The following KCNIP4 variants were observed in gnomAD, a reference collection of about 807,000 sequenced individuals.
KCNIP4 encodes Kv channel-interacting protein 4.
KCNIP4 carries 12 observed loss-of-function variants against 34.0 expected under a neutral mutation model. The observed-to-expected ratio is 0.35, with a 90% CI of 0.23 to 0.57. The LOEUF (loss-of-function observed/expected upper bound fraction) is 0.57, where lower values mean the gene tolerates loss of function less well. KCNIP4 is among the 20% of genes least tolerant of loss of function. KCNIP4 has a pLI of 0.83. For synonymous variants in KCNIP4, 124 were observed against 102.2 expected, an observed-to-expected ratio of 1.21 and a Z score of -1.29; for missense variants, 238 against 311.7, an observed-to-expected ratio of 0.76 and a Z score of 1.78.
rs1189582234 is a variant in KCNIP4 at position 21,796,247 on chromosome 4, T to C, written c.61+152324A>G. Among the ~76,000 whole-genome samples the C allele has an allele frequency of 2.0e-5, 3 of 152,304 alleles. No individual in the cohort carries two copies. The East Asian group carries it at 5.8e-4, about 29-fold the overall frequency. On this transcript the variant is annotated intron_variant, in intron 1 of 8. Transcript: ENST00000382152. ...AATGTACTTCTTACACAATTTTTTCTCTTTCTCAATTATCTATAGCACAGG... is the reference window on the plus strand; with the variant it reads ...AATGTACTTCTTACACAATTTTTTCCCTTTCTCAATTATCTATAGCACAGG...
At chr4:21,006,109 C>T (rs1270148630) in intron 1 of KCNIP4, among the ~76,000 whole-genome samples, 1 of 152,154 alleles carries the variant, frequency 6.6e-6, no homozygotes, top group Non-Finnish European at 1.5e-5. Flanking sequence ...AATTTGAACT[C>T]ACGTCTATCT....
At chr4:20,813,017 G>T (rs1224046975) in intron 3 of KCNIP4, among the ~76,000 whole-genome samples, 3 of 151,894 alleles carry the variant, frequency 2.0e-5, no homozygotes, top group Non-Finnish European at 4.4e-5. Flanking sequence ...TTTTAATTTT[G>T]TGATATTTCT....
intron 1 of KCNIP4, among the ~76,000 whole-genome samples, chr4:20,924,274 A>G (rs570785986): frequency 2.6e-5 from 4 of 152,298 alleles, no homozygotes; most frequent in South Asian, 4.1e-4. Flanking sequence ...AGAAATCCAC[A>G]TATCATTCTC....
intron 3 of KCNIP4, among the ~76,000 whole-genome samples, chr4:20,779,915 G>A (rs2149390445): frequency 6.6e-6 from 1 of 152,238 alleles, no homozygotes; most frequent in South Asian, 2.1e-4. Context: ...CTTGATTTTG[G>A]CTCAGTGATA....
intron 1 of KCNIP4, among the ~76,000 whole-genome samples, chr4:21,008,807 A>G (rs2149728805): frequency 6.6e-6 from 1 of 152,024 alleles, no homozygotes; most frequent in South Asian, 2.1e-4. Flanking sequence ...TACAGACGTG[A>G]GCCACCGCGC....
At chr4:21,816,423 A>T (rs1721992877) in intron 1 of KCNIP4, among the ~76,000 whole-genome samples, 1 of 152,178 alleles carries the variant, frequency 6.6e-6, no homozygotes. Context: ...TAAAAAAGTG[A>T]AATAATTCAC....
chr4:20,878,410 A>G (rs889450206), intron 2 of KCNIP4, among the ~76,000 whole-genome samples: 45 of 143,536 alleles, frequency 3.1e-4, no homozygotes, highest in African/African-American at 1.1e-3. Flanking sequence ...TTAAGGACTT[A>G]AAAGACATCT....
chr4:21,538,115 G>A (rs1415964728), intron 1 of KCNIP4, among the ~76,000 whole-genome samples: 1 of 151,112 alleles, frequency 6.6e-6, no homozygotes, highest in Admixed American at 6.6e-5. Flanking sequence ...AGATTGGAGC[G>A]ATGCATTTAT....
At chr4:21,222,264 G>A (rs1213920163) in intron 1 of KCNIP4, among the ~76,000 whole-genome samples, 1 of 130,786 alleles carries the variant, frequency 7.6e-6, no homozygotes, top group Non-Finnish European at 1.7e-5. Context: ...TGCCATGAGA[G>A]CAGGATGTTC....
At chr4:21,137,623 T>C (rs180867376) in intron 1 of KCNIP4, among the ~76,000 whole-genome samples, 2 of 152,314 alleles carry the variant, frequency 1.3e-5, no homozygotes. Context: ...TTTAACTTTT[T>C]GGAGCCTCTG....
At chr4:21,384,661 A>T (rs2109489446) in intron 1 of KCNIP4, among the ~76,000 whole-genome samples, 1 of 152,362 alleles carries the variant, frequency 6.6e-6, no homozygotes, top group South Asian at 2.1e-4. Flanking sequence ...CAGAAAGGAC[A>T]GAATTGATCC....
intron 2 of KCNIP4, among the ~76,000 whole-genome samples, chr4:20,870,864 G>A (rs16870159): frequency 0.21 from 31,376 of 151,826 alleles, 3,489 homozygotes; most frequent in South Asian, 0.35. Flanking sequence ...TGAACTTGCC[G>A]TTCTTCCTCC....
chr4:21,020,916 C>G (rs1739974649), intron 1 of KCNIP4, among the ~76,000 whole-genome samples: 1 of 152,186 alleles, frequency 6.6e-6, no homozygotes, highest in Non-Finnish European at 1.5e-5. Context: ...ATGAGAATCT[C>G]TACAGAAACT....
chr4:20,813,669 C>A (rs1020419659), intron 3 of KCNIP4, among the ~76,000 whole-genome samples: 1 of 152,074 alleles, frequency 6.6e-6, no homozygotes, highest in African/African-American at 2.4e-5. Context: ...GAAGCTCACA[C>A]AACAGAAATA....
chr4:20,840,053 T>C (rs1360028796), intron 3 of KCNIP4, among the ~76,000 whole-genome samples: 1 of 152,184 alleles, frequency 6.6e-6, no homozygotes, highest in Non-Finnish European at 1.5e-5. Flanking sequence ...GAACATCTGC[T>C]TTGCTTCTTG....
At chr4:21,124,600 C>A (rs574946043) in intron 1 of KCNIP4, among the ~76,000 whole-genome samples, 1 of 152,130 alleles carries the variant, frequency 6.6e-6, no homozygotes, top group South Asian at 2.1e-4. Flanking sequence ...TCTTCTTTTG[C>A]TCTCCACATT....
rs573229903 is a variant in KCNIP4, at chr4:21,487,861, CT to C, written c.61+460709del. 4.1e-3 allele frequency among the ~76,000 whole-genome samples: 630 copies of C among 152,062 alleles called. 6 individuals carry two copies. Among genetic ancestry groups the C allele is most frequent in the African/African-American group, 0.015 (604 of 41,490 alleles). On this transcript the variant is annotated intron_variant, in intron 1 of 8. Coordinates refer to ENST00000382152, the MANE Select transcript of KCNIP4 (RefSeq NM_025221.6). ...TGGCATCATTGTAGATTTTTTAACTCTTTATTTATTTATTTAACACTTCCTT... is the reference window on the plus strand; with the variant it reads ...TGGCATCATTGTAGATTTTTTAACTCTTATTTATTTATTTAACACTTCCTT...
intron 1 of KCNIP4, among the ~76,000 whole-genome samples, chr4:21,024,902 T>C (rs1560655746): frequency 1.3e-5 from 2 of 152,142 alleles, no homozygotes; most frequent in Non-Finnish European, 2.9e-5. Context: ...CTTCATCAAA[T>C]TTTTTTCATT....
chr4:21,603,636 G>A (rs1478095082), intron 1 of KCNIP4, among the ~76,000 whole-genome samples: 1 of 151,980 alleles, frequency 6.6e-6, no homozygotes, highest in Non-Finnish European at 1.5e-5. Flanking sequence ...ATTTGGAAAG[G>A]CAATTGCCTG....
Sources: allele counts gnomAD v4.1 joint callset (sites outside exome capture counted in the v4.1 genomes callset), GRCh38; gene constraint gnomAD v4.1.1; transcripts MANE v1.5; gene names NCBI Gene and HGNC (gene_info 2026-07-23, HGNC 2026-07-21).